Variants in MMP26 observed in about 807,000 individuals in gnomAD.
MMP26 encodes the protein matrix metallopeptidase 26, also known as matrix metalloproteinase-26.
In MMP26, 33 loss-of-function variants were observed where a neutral mutation model predicts 31.0. The ratio of observed to expected loss-of-function variants is 1.06; its 90% CI spans 0.81 to 1.42. MMP26 has a LOEUF of 1.42. Among genes scored for constraint, MMP26 ranks in the 40% most tolerant of loss-of-function variants. MMP26 has a pLI of 0.00. For missense variants in MMP26, 347 were observed against 316.1 expected, an observed-to-expected ratio of 1.10 and a Z score of -0.74; for synonymous variants, 122 against 114.9, an observed-to-expected ratio of 1.06 and a Z score of -0.40.
rs201458859 is a variant in MMP26 at position 4,804,155 on chromosome 11, G to A, written c.-145+36814G>A. On this transcript the variant is annotated intron_variant, in intron 2 of 7. Transcript: ENST00000380390. ...ATCTTAGGTTGAGTGGAGGAGGAGA[G>A]GACCAGGTCAGTGATGGCCAGCATG... 319 of 1,614,062 alleles carry A rather than the reference G, an allele frequency of 2.0e-4. No individual in the cohort carries two copies. Among genetic ancestry groups the A allele is most frequent in the Non-Finnish European group, 2.5e-4 (294 of 1,180,036 alleles).
At chr11:4,881,151 C>T (rs534374276) in intron 2 of MMP26, among the ~76,000 whole-genome samples, 1 of 152,256 alleles carries the variant, frequency 6.6e-6, no homozygotes, top group South Asian at 2.1e-4. Flanking sequence ...CCACTGGCTC[C>T]AGAGTGTATG....
intron 1 of MMP26, among the ~76,000 whole-genome samples, chr11:4,729,588 C>T (rs1848146090): frequency 6.6e-6 from 1 of 152,044 alleles, no homozygotes; most frequent in African/African-American, 2.4e-5. Context: ...AGGTTCAGCT[C>T]CTTGGAGGTA....
At chr11:4,989,173 G>A (rs917771049) in intron 3 of MMP26, among the ~76,000 whole-genome samples, 2 of 152,120 alleles carry the variant, frequency 1.3e-5, no homozygotes, top group Non-Finnish European at 2.9e-5. Flanking sequence ...ACAAGGAATA[G>A]GTAAACAACG....
intron 2 of MMP26, chr11:4,909,314 AG>A: frequency 6.6e-6 from 1 of 152,264 alleles, no homozygotes; most frequent in East Asian, 1.9e-4. Flanking sequence ...TACAATTTGA[AG>A]GGGGGCAAAC....
chr11:4,831,377 G>T (rs1467755577), intron 2 of MMP26, among the ~76,000 whole-genome samples: 1 of 152,120 alleles, frequency 6.6e-6, no homozygotes. Context: ...TCTGGCAAAT[G>T]GTGTTTGCTA....
intron 1 of MMP26, among the ~76,000 whole-genome samples, chr11:4,758,390 G>C (rs79814561): frequency 6.7e-6 from 1 of 149,726 alleles, no homozygotes; most frequent in Non-Finnish European, 1.5e-5. Flanking sequence ...TACGTATAAA[G>C]GTAGACTTTT....
chr11:4,856,145 A>G (rs1184276123), intron 2 of MMP26, among the ~76,000 whole-genome samples: 2 of 152,220 alleles, frequency 1.3e-5, no homozygotes, highest in South Asian at 2.1e-4. Context: ...CATCGATGCT[A>G]GGAAGAAACT....
intron 2 of MMP26, among the ~76,000 whole-genome samples, chr11:4,826,860 A>T (rs1389014683): frequency 6.6e-6 from 1 of 152,148 alleles, no homozygotes; most frequent in East Asian, 1.9e-4. Context: ...AAGCCTTATC[A>T]AATACGTCTC....
intron 1 of MMP26, among the ~76,000 whole-genome samples, chr11:4,737,715 A>T (rs1380212431): frequency 2.7e-5 from 4 of 145,830 alleles, no homozygotes; most frequent in African/African-American, 1.1e-4. Flanking sequence ...TTTCACTTTG[A>T]CCCTAAGTCA....
chr11:4,790,549 A>T (rs1849012321), intron 2 of MMP26, among the ~76,000 whole-genome samples: 1 of 152,154 alleles, frequency 6.6e-6, no homozygotes, highest in Non-Finnish European at 1.5e-5. Context: ...TGCTATTTGG[A>T]GGAAGACATA....
At chr11:4,723,041 A>C (rs1162302612) in intron 1 of MMP26, 3 of 1,074,080 alleles carry the variant, frequency 2.8e-6, no homozygotes, top group African/African-American at 1.5e-5. Context: ...ATCCAGGGCC[A>C]GTTTGACTTT....
chr11:4,965,562 C>T (rs1411842717), intron 2 of MMP26, among the ~76,000 whole-genome samples: 4 of 152,128 alleles, frequency 2.6e-5, no homozygotes, highest in Admixed American at 2.0e-4. Flanking sequence ...CAATATTAAT[C>T]TTTCTTTGAG....
chr11:4,900,689 A>G (rs1850787440), intron 2 of MMP26, among the ~76,000 whole-genome samples: 1 of 152,156 alleles, frequency 6.6e-6, no homozygotes, highest in African/African-American at 2.4e-5. Flanking sequence ...TCTTTTATAT[A>G]AAGATCTTCA....
chr11:4,759,172 T>C (rs1350522295), intron 1 of MMP26, among the ~76,000 whole-genome samples: 3 of 150,618 alleles, frequency 2.0e-5, no homozygotes, highest in African/African-American at 2.4e-5. Flanking sequence ...AAAATGGAAT[T>C]CTCCAAGGGA....
intron 2 of MMP26, chr11:4,881,973 C>A (rs754987639): frequency 1.2e-6 from 2 of 1,613,752 alleles, no homozygotes; most frequent in African/African-American, 2.7e-5. Context: ...CTGGAATGTG[C>A]TCATGTCTGG....
chr11:4,791,854 G>A (rs80191542), intron 2 of MMP26, among the ~76,000 whole-genome samples: 3,782 of 151,756 alleles, frequency 0.025, 79 homozygotes, highest in Admixed American at 0.037. Flanking sequence ...ACTTCACCCC[G>A]AGTCCTTCCC....
chr11:4,756,985 T>G (rs1030521592), intron 1 of MMP26, among the ~76,000 whole-genome samples: 2 of 152,110 alleles, frequency 1.3e-5, no homozygotes, highest in Non-Finnish European at 2.9e-5. Flanking sequence ...TATCAACAAG[T>G]CTTTTTTTTC....
chr11:4,817,598 C>G (rs1564787416), intron 2 of MMP26, among the ~76,000 whole-genome samples: 3 of 151,844 alleles, frequency 2.0e-5, no homozygotes. Flanking sequence ...AAAAAGCAAA[C>G]AAACAAACAA....
intron 2 of MMP26, among the ~76,000 whole-genome samples, chr11:4,903,239 A>T (rs184805043): frequency 0.01 from 1,537 of 152,198 alleles, 14 homozygotes; most frequent in Non-Finnish European, 0.015. Flanking sequence ...TGTAGTTTTG[A>T]GACACTGCTT....
Sources: gnomAD v4.1 joint callset for allele counts (sites outside exome capture counted in the v4.1 genomes callset) on GRCh38, gnomAD v4.1.1 for gene constraint, MANE v1.5 for transcripts, NCBI Gene and HGNC (gene_info 2026-07-23, HGNC 2026-07-21) for gene names.